The following NUDT16L1 variants were observed in gnomAD, a reference collection of about 807,000 sequenced individuals.
The protein encoded by NUDT16L1 is nudix hydrolase 16 like 1.
In NUDT16L1, 19 loss-of-function variants were observed where a neutral mutation model predicts 17.3. The observed-to-expected ratio is 1.10, with a 90% CI of 0.77 to 1.61. NUDT16L1 has a LOEUF of 1.61. NUDT16L1 is among the 40% of genes most tolerant of loss of function. NUDT16L1 has a pLI of 0.00. For missense variants in NUDT16L1, 341 were observed against 292.0 expected (o/e 1.17, Z -1.22); for synonymous variants, 255 against 138.6 (o/e 1.84, Z -5.90).
At chr16:4,693,828 C>A (rs527881913) in exon 1 of NUDT16L1, 1 of 1,569,448 alleles carries the variant, frequency 6.4e-7, no homozygotes, top group Non-Finnish European at 8.6e-7. Flanking sequence ...TGCTGTACGC[C>A]GCCAACCCTG....
At chr16:4,693,900 G>A (rs754527489) in intron 1 of NUDT16L1, 21 bp downstream of exon 1, 24 of 1,481,424 alleles carry the variant, frequency 1.6e-5, no homozygotes, top group Non-Finnish European at 2.1e-5. Context: ...GCGAGGGCGC[G>A]GGCGAGGGTG....
At chr16:4,694,622 G>C in intron 2 of NUDT16L1, 2 of 1,428,636 alleles carry the variant, frequency 1.4e-6, no homozygotes, top group African/African-American at 1.4e-5. Context: ...GAAGGCTCTT[G>C]GGATTTGTAC....
chr16:4,695,135 A>C (rs745990023), exon 3 of NUDT16L1: 79 of 1,612,922 alleles, frequency 4.9e-5, no homozygotes, highest in Non-Finnish European at 5.9e-5. Context: ...AGCCACCGAG[A>C]AGCAGAAGAA....
chr16:4,693,762 C>T (rs562874537), exon 1 of NUDT16L1: 9 of 1,560,390 alleles, frequency 5.8e-6, no homozygotes, highest in Admixed American at 1.9e-5. Flanking sequence ...TGAAGCAGAT[C>T]AGCCGGGTGG....
chr16:4,693,730 T>A (rs775630385), exon 1 of NUDT16L1: 3 of 1,530,404 alleles, frequency 2.0e-6, no homozygotes, highest in East Asian at 2.7e-5. Flanking sequence ...TGCCAAGATG[T>A]CGACGGCGGC....
chr16:4,695,481 G>A (rs1264928919), exon 3 of NUDT16L1: 2 of 566,832 alleles, frequency 3.5e-6, no homozygotes, highest in South Asian at 2.4e-5. Flanking sequence ...ACAGCTGGTA[G>A]AGACCCAGGA....
chr16:4,695,634 G>A (rs117881582), exon 3 of NUDT16L1: 13 of 417,318 alleles, frequency 3.1e-5, no homozygotes, highest in Non-Finnish European at 5.5e-5. Context: ...GAGCCAGCTT[G>A]GGGTAGGAAG....
chr16:4,694,941 A>G lies in NUDT16L1; in HGVS notation c.415-17A>G. 6.3e-7 allele frequency: 1 copy of G among 1,597,442 alleles called. No individual in the cohort carries two copies. Among genetic ancestry groups the G allele is most frequent in the Non-Finnish European group, 8.5e-7 (1 of 1,175,976 alleles). On this transcript the variant is annotated splice_polypyrimidine_tract_variant and intron_variant, in intron 2 of 2. Coordinates refer to ENST00000304301, the Ensembl canonical transcript of NUDT16L1. ...TGTGGCAGGCCTGGCCCCAACCCCT[A>G]CCTCCTGTCTGCGCAGGTGCTGGGC...
chr16:4,694,534 G>C (rs1257932729), intron 2 of NUDT16L1: 2 of 1,472,172 alleles, frequency 1.4e-6, no homozygotes, highest in African/African-American at 2.8e-5. Flanking sequence ...GGATGGGGGA[G>C]GAGCGGGGAT....
chr16:4,693,644 C>T (rs1184123504), upstream of NUDT16L1: 14 of 1,314,786 alleles, frequency 1.1e-5, no homozygotes, highest in East Asian at 4.5e-4. Context: ...GGGGCGCGGC[C>T]GCCCGCGGAT....
chr16:4,695,067 T>A, exon 3 of NUDT16L1: 1 of 1,613,568 alleles, frequency 6.2e-7, no homozygotes, highest in African/African-American at 1.3e-5. Flanking sequence ...CAGCTCCTCT[T>A]TGCCCTCAAG....
At chr16:4,694,922 A>T in intron 2 of NUDT16L1, 36 bp from the exon 3 acceptor site, 2 of 1,574,310 alleles carry the variant, frequency 1.3e-6, no homozygotes, top group Non-Finnish European at 1.7e-6. Context: ...ATTGTGTGGC[A>T]GGCCTGGCCC....
At chr16:4,695,588 C>A in exon 3 of NUDT16L1, 1 of 440,612 alleles carries the variant, frequency 2.3e-6, no homozygotes, top group East Asian at 3.3e-5. Flanking sequence ...CAGCTCATTC[C>A]TGCCTCCTTC....
rs1352189674 is a variant in NUDT16L1, at chr16:4,694,881, T to C, written c.415-77T>C. The stretch of plus-strand genomic sequence containing the variant: ...GCTGGCTGCTCATACCCTGGCCTCA[T>C]AGCTTCCAGGCCCCTCCTGCTGGAG... On this transcript the variant is annotated intron_variant, in intron 2 of 2. Coordinates refer to ENST00000304301, the Ensembl canonical transcript of NUDT16L1. The C allele has an allele frequency of 8.5e-6, 13 of 1,520,758 alleles. No individual in the cohort carries two copies. The East Asian group carries it at 2.0e-4, about 23-fold the overall frequency. 94.2% of individuals were successfully genotyped at this position (1,520,758 alleles called of 1,614,324 possible). A position where few individuals can be genotyped will look rare whatever the true frequency, so the allele number is the denominator to read the frequency against.
At chr16:4,694,136 C>T (rs1277737093) in exon 2 of NUDT16L1, 1 of 1,589,174 alleles carries the variant, frequency 6.3e-7, no homozygotes, top group South Asian at 1.1e-5. Flanking sequence ...TGACCGAGGG[C>T]CCACACCGCG....
intron 2 of NUDT16L1, chr16:4,694,580 G>A: frequency 1.4e-6 from 2 of 1,442,998 alleles, no homozygotes; most frequent in Non-Finnish European, 1.8e-6. Flanking sequence ...CACAGCGGGG[G>A]TTGTAAAACT....
chr16:4,694,726 G>A, intron 2 of NUDT16L1: 1 of 1,424,368 alleles, frequency 7.0e-7, no homozygotes, highest in Non-Finnish European at 9.1e-7. Flanking sequence ...GGGTGGCCTG[G>A]GTACGAGGGG....
intron 2 of NUDT16L1, chr16:4,694,593 G>C (rs1028095663): frequency 7.0e-7 from 1 of 1,436,054 alleles, no homozygotes; most frequent in Non-Finnish European, 9.1e-7. Context: ...GTAAAACTTG[G>C]GAACCTCATG....
chr16:4,695,815 G>GAGA (rs2079529832), exon 3 of NUDT16L1: 4 of 382,966 alleles, frequency 1.0e-5, no homozygotes, highest in South Asian at 1.4e-4. Context: ...GCTGTCGAAG[G>GAGA]AGAAGACAAT....
Sources: gnomAD v4.1 joint callset for allele counts on GRCh38, gnomAD v4.1.1 for gene constraint, MANE v1.5 for transcripts, NCBI Gene and HGNC (gene_info 2026-07-23, HGNC 2026-07-21) for gene names.